The following PUM1 variants were observed in gnomAD, a reference collection of about 807,000 sequenced individuals.
PUM1 encodes pumilio homolog 1.
PUM1 carries 13 observed loss-of-function variants against 131.8 expected under a neutral mutation model. That is an observed-to-expected ratio of 0.10 (90% CI 0.06 to 0.16). The LOEUF (loss-of-function observed/expected upper bound fraction) is 0.16, where lower values mean the gene tolerates loss of function less well. PUM1 is among the 10% of genes least tolerant of loss of function. The pLI is 1.00. For missense variants in PUM1, 961 were observed against 1,512.4 expected (o/e 0.64, Z 6.05); for synonymous variants, 509 against 556.5 (o/e 0.91, Z 1.20).
intron 2 of PUM1, among the ~76,000 whole-genome samples, chr1:31,031,323 C>A (rs78917839): frequency 6.6e-6 from 1 of 152,058 alleles, no homozygotes; most frequent in African/African-American, 2.4e-5. Context: ...CAGTTTCAAC[C>A]AGAAATATTA....
At chr1:30,990,244 T>G (rs1043562099) in intron 7 of PUM1, among the ~76,000 whole-genome samples, 52 of 152,058 alleles carry the variant, frequency 3.4e-4, no homozygotes, top group African/African-American at 1.2e-3. Flanking sequence ...GCAGAGGAAA[T>G]GGGGTAAGGT....
chr1:31,063,306 G>A (rs1172493570), intron 1 of PUM1, among the ~76,000 whole-genome samples: 1 of 152,046 alleles, frequency 6.6e-6, no homozygotes, highest in Non-Finnish European at 1.5e-5. Context: ...TTTTCTTAAT[G>A]AAAATGAGAT....
At chr1:30,952,446 A>G (rs1221074909) in intron 15 of PUM1, 83 bp from the exon 16 acceptor site, 1 of 1,595,276 alleles carries the variant, frequency 6.3e-7, no homozygotes, top group Non-Finnish European at 8.6e-7. Context: ...TATAGACTGC[A>G]TCCGTTCTGA....
intron 3 of PUM1, among the ~76,000 whole-genome samples, chr1:31,010,361 C>T (rs2124516220): frequency 6.6e-6 from 1 of 152,260 alleles, no homozygotes; most frequent in Admixed American, 6.5e-5. Context: ...CTATGACATG[C>T]CTCTAAGAAA....
intron 2 of PUM1, among the ~76,000 whole-genome samples, chr1:31,052,137 C>T (rs561903135): frequency 2.4e-4 from 36 of 152,104 alleles, no homozygotes; most frequent in Non-Finnish European, 4.4e-4. Context: ...CTCAGACTCC[C>T]GAGTAGCTGG....
intron 2 of PUM1, among the ~76,000 whole-genome samples, chr1:31,052,430 C>A (rs1478334986): frequency 6.6e-6 from 1 of 151,326 alleles, no homozygotes; most frequent in African/African-American, 2.4e-5. Context: ...TTCAAAGAGA[C>A]AGGATCTCAC....
chr1:31,060,199 G>A (rs1403626929), intron 1 of PUM1, among the ~76,000 whole-genome samples: 1 of 148,888 alleles, frequency 6.7e-6, no homozygotes, highest in African/African-American at 2.4e-5. Flanking sequence ...GGTGGCTCAT[G>A]CCTGTAATCC....
At position 30,992,376 on chromosome 1, in the gene PUM1, GAC is replaced by G. The variant is rs2124485953; in HGVS notation, c.1158+12_1158+13del. 6.2e-7 allele frequency: 1 copy of G among 1,610,826 alleles called. No homozygotes were observed. The highest frequency in any genetic ancestry group is 8.5e-7 in the Non-Finnish European group (1 of 1,178,150). On this transcript the variant is annotated intron_variant, in intron 7 of 21. Coordinates refer to ENST00000426105, the MANE Select transcript of PUM1 (RefSeq NM_001020658.2). ...GAGGGAGAGTAGAGAGGGTGACAGA[GAC>G]ACACACAGTACCTGTTGTTGAGAAT...
At chr1:30,990,262 T>C (rs751893570) in intron 7 of PUM1, among the ~76,000 whole-genome samples, 1 of 152,204 alleles carries the variant, frequency 6.6e-6, no homozygotes, top group Non-Finnish European at 1.5e-5. Flanking sequence ...GGTTCAGTCT[T>C]TGCCCTCAAG....
chr1:30,975,099 G>A (rs563812989), intron 9 of PUM1, among the ~76,000 whole-genome samples: 2 of 152,256 alleles, frequency 1.3e-5, no homozygotes, highest in East Asian at 3.9e-4. Context: ...AACAGATGGA[G>A]GATGTAGCAT....
intron 21 of PUM1, chr1:30,935,566 C>A (rs1639171982): frequency 2.3e-6 from 1 of 427,314 alleles, no homozygotes; most frequent in Non-Finnish European, 4.7e-6. Context: ...CTGCCTTCAC[C>A]AGCATCCTGA....
chr1:30,974,716 C>G lies in PUM1; in HGVS notation c.1441G>C (p.Ala481Pro). 6.2e-7 allele frequency: 1 copy of G among 1,611,712 alleles called. No homozygotes were observed. Among genetic ancestry groups the G allele is most frequent in the Non-Finnish European group, 8.5e-7 (1 of 1,179,564 alleles). Residue 481 changes from alanine to proline, a missense_variant, in exon 10 of 22, where the codon GCC (alanine) becomes CCC (proline). Ala to Pro is a conservative substitution (Grantham distance 27). Transcript: ENST00000426105. Reference sequence around the variant, plus strand: ...TTAGCTGAATTAGTTGCTGCAGCGGCAGCGGCAGCTTGCTGCTGGAAAAGA... The same window carrying G: ...TTAGCTGAATTAGTTGCTGCAGCGGGAGCGGCAGCTTGCTGCTGGAAAAGA... ...ASLFQQQAAA[A>P]AAATNSANQQ...
chr1:31,054,906 G>A (rs1230365254), intron 2 of PUM1, among the ~76,000 whole-genome samples: 3 of 152,136 alleles, frequency 2.0e-5, no homozygotes, highest in Non-Finnish European at 4.4e-5. Context: ...AACAGATCTA[G>A]AACGTGGACA....
chr1:31,015,913 TCCA>T (rs1461965728), intron 3 of PUM1, among the ~76,000 whole-genome samples: 1 of 152,106 alleles, frequency 6.6e-6, no homozygotes, highest in African/African-American at 2.4e-5. Flanking sequence ...CCTCAGGTGA[TCCA>T]CCCGCCTCGG....
At chr1:30,935,526 T>A (rs1159705573) in intron 21 of PUM1, among the ~76,000 whole-genome samples, 3 of 152,220 alleles carry the variant, frequency 2.0e-5, no homozygotes, top group Non-Finnish European at 4.4e-5. Flanking sequence ...TAGACATGTC[T>A]TAAGCTCCTA....
intron 2 of PUM1, among the ~76,000 whole-genome samples, chr1:31,039,224 T>TAAA (rs1643741103): frequency 6.9e-6 from 1 of 144,086 alleles, no homozygotes; most frequent in African/African-American, 2.6e-5. Context: ...AAAAAAAAAT[T>TAAA]TTTTTTTTTT....
In PUM1 at chr1:31,044,903, G is replaced by A. The variant is rs187634639; in HGVS notation, c.363+14301C>T. Among the ~76,000 whole-genome samples, 106 of 152,060 alleles carry A rather than the reference G, an allele frequency of 7.0e-4. 1 individual carries two copies. The highest frequency in any genetic ancestry group is 4.1e-3 in the Admixed American group (63 of 15,270). ...CGGCTTACTGCAACCTCCGCCTCCC[G>A]GATTCAAACAACTCTCTTGCCTCAG... On this transcript the variant is annotated intron_variant, in intron 2 of 21. Coordinates refer to ENST00000426105, the MANE Select transcript of PUM1 (RefSeq NM_001020658.2).
chr1:31,023,454 C>T (rs2124537872), intron 3 of PUM1, among the ~76,000 whole-genome samples: 1 of 152,220 alleles, frequency 6.6e-6, no homozygotes, highest in East Asian at 1.9e-4. Context: ...TATTCAAAAG[C>T]CTCCAATTCT....
At position 30,931,729 on chromosome 1, in the gene PUM1, A is replaced by G. The variant is rs930213172; in HGVS notation, c.*1482T>C. On this transcript the variant is annotated 3_prime_UTR_variant, in exon 22 of 22. Coordinates refer to ENST00000426105, the MANE Select transcript of PUM1 (RefSeq NM_001020658.2). ...TTACAATTCTATATTCAAACAAGGA[A>G]AATTGACAGTATGTTACATTCACTT... The G allele has an allele frequency of 1.6e-4, 25 of 152,656 alleles. 1 individual carries two copies. The highest frequency in any genetic ancestry group is 5.8e-4 in the African/African-American group (24 of 41,462). 9.5% of individuals were successfully genotyped at this position (152,656 alleles called of 1,614,324 possible).
Sources: allele counts gnomAD v4.1 joint callset (sites outside exome capture counted in the v4.1 genomes callset), GRCh38; gene constraint gnomAD v4.1.1; transcripts MANE v1.5; gene names NCBI Gene and HGNC (gene_info 2026-07-23, HGNC 2026-07-21).